Variants in TAF2 observed in about 807,000 individuals in gnomAD.
TAF2 encodes TATA-box binding protein associated factor 2, also known as transcription initiation factor TFIID subunit 2.
A neutral mutation model predicts 138.5 loss-of-function variants in TAF2; 61 were observed. The ratio of observed to expected loss-of-function variants is 0.44; its 90% CI spans 0.36 to 0.54. The LOEUF (loss-of-function observed/expected upper bound fraction) is 0.54, where lower values mean the gene tolerates loss of function less well. TAF2 is among the 20% of genes least tolerant of loss of function. The probability of loss-of-function intolerance (pLI) is 0.00; values close to 1 mark genes in which losing one functional copy is unlikely to be tolerated. For synonymous variants in TAF2, 475 were observed against 469.9 expected (o/e 1.01, Z -0.14); for missense variants, 1,090 against 1,427.9 (o/e 0.76, Z 3.81).
Position 119,819,334 on chromosome 8 carries a change from T to C in TAF2, c.299+12A>G, listed in dbSNP as rs1400811507. The stretch of plus-strand genomic sequence containing the variant: ...CTGTTAAAAATAGTGACTTTTAAAG[T>C]GCATAACTTACTGTTTTGATTCACT... On this transcript the variant is annotated intron_variant, in intron 3 of 25. Coordinates refer to ENST00000378164, the MANE Select transcript of TAF2 (RefSeq NM_003184.4). The C allele has an allele frequency of 6.2e-7, 1 of 1,611,942 alleles. No homozygotes were observed. The highest frequency in any genetic ancestry group is 8.5e-7 in the Non-Finnish European group (1 of 1,179,260).
intron 19 of TAF2, among the ~76,000 whole-genome samples, chr8:119,761,441 C>T (rs897559683): frequency 4.6e-5 from 7 of 152,064 alleles, no homozygotes. Context: ...TGTTAAGTGA[C>T]ATATAAGTAT....
At chr8:119,778,971 G>A (rs1822453797) in intron 17 of TAF2, among the ~76,000 whole-genome samples, 4 of 152,008 alleles carry the variant, frequency 2.6e-5, no homozygotes, top group African/African-American at 9.7e-5. Context: ...AAAGGAAAAT[G>A]GCTCATTTTC....
chr8:119,762,180 C>A (rs1821108797), intron 19 of TAF2, among the ~76,000 whole-genome samples: 1 of 151,958 alleles, frequency 6.6e-6, no homozygotes, highest in Admixed American at 6.6e-5. Flanking sequence ...AAACAGAATA[C>A]AAAACTACAT....
At chr8:119,772,424 A>G (rs1821907774) in intron 18 of TAF2, among the ~76,000 whole-genome samples, 1 of 152,180 alleles carries the variant, frequency 6.6e-6, no homozygotes, top group Non-Finnish European at 1.5e-5. Flanking sequence ...TAAAGAAGGA[A>G]ATAATAGAAA....
chr8:119,766,814 G>A (rs1441561707), intron 18 of TAF2, among the ~76,000 whole-genome samples: 1 of 152,000 alleles, frequency 6.6e-6, no homozygotes, highest in East Asian at 1.9e-4. Context: ...AGCCTGGGCA[G>A]GAGAGCAAGA....
At chr8:119,826,006 A>G (rs1826074605) in intron 2 of TAF2, among the ~76,000 whole-genome samples, 1 of 151,940 alleles carries the variant, frequency 6.6e-6, no homozygotes, top group Admixed American at 6.6e-5. Flanking sequence ...TGGTTTTAAA[A>G]ACAGGAGTTT....
chr8:119,741,965 A>G (rs544998699), intron 25 of TAF2, among the ~76,000 whole-genome samples: 1 of 152,330 alleles, frequency 6.6e-6, no homozygotes, highest in Non-Finnish European at 1.5e-5. Flanking sequence ...ACAATGTGAA[A>G]CAGAATAGGT....
chr8:119,831,196 G>C (rs527370353), intron 2 of TAF2, among the ~76,000 whole-genome samples: 1 of 152,036 alleles, frequency 6.6e-6, no homozygotes, highest in African/African-American at 2.4e-5. Context: ...AAATTGTGTC[G>C]GGAGGCAGGG....
chr8:119,806,305 T>C lies in TAF2; in HGVS notation c.396A>G (p.Ser132=). Residue 132 remains serine, a synonymous_variant, in exon 4 of 26, where the codon TCA becomes TCG. Transcript: ENST00000378164. ...GNGELCIKVP[S]ELWKHVDELK... ...TACCATCAACGTGTTTCCATAGCTC[T>C]GATGGAACCTTAATGCAAAGTTCTC... The C allele has an allele frequency of 6.2e-7, 1 of 1,613,958 alleles. No homozygotes were observed. Among genetic ancestry groups the C allele is most frequent in the Non-Finnish European group, 8.5e-7 (1 of 1,179,882 alleles).
At chr8:119,765,605 T>C (rs907046424) in intron 18 of TAF2, among the ~76,000 whole-genome samples, 1 of 152,206 alleles carries the variant, frequency 6.6e-6, no homozygotes, top group Non-Finnish European at 1.5e-5. Flanking sequence ...ATGCCATGCA[T>C]AAACTTACTT....
chr8:119,762,609 C>A lies in TAF2; in HGVS notation c.2365-1G>T. 1 of 1,610,784 alleles carries A rather than the reference C, an allele frequency of 6.2e-7. No homozygotes were observed. The highest frequency in any genetic ancestry group is 8.5e-7 in the Non-Finnish European group (1 of 1,178,506). On this transcript the variant is annotated splice_acceptor_variant, in intron 18 of 25. Transcript: ENST00000378164. LOFTEE classifies it high-confidence loss of function. The stretch of plus-strand genomic sequence containing the variant: ...CTGCACGATAATAGTTATCTGAAAA[C>A]TAGGCCAAAGAAAAATTAAGTGAAG...
At chr8:119,769,793 T>A (rs1821696978) in intron 18 of TAF2, among the ~76,000 whole-genome samples, 1 of 151,528 alleles carries the variant, frequency 6.6e-6, no homozygotes. Flanking sequence ...AGTCTCGCTC[T>A]TGTCCCCAGG....
intron 18 of TAF2, among the ~76,000 whole-genome samples, chr8:119,765,109 T>C (rs1821330334): frequency 6.6e-5 from 10 of 152,152 alleles, no homozygotes; most frequent in Admixed American, 6.6e-4. Context: ...GCGGGCTTTG[T>C]GATTAAAGGA....
chr8:119,827,885 G>A (rs1287212422), intron 2 of TAF2, among the ~76,000 whole-genome samples: 6 of 151,772 alleles, frequency 4.0e-5, no homozygotes, highest in African/African-American at 9.7e-5. Flanking sequence ...CTGGGATTAC[G>A]GGTGCCCGCC....
rs368069089 is a variant in TAF2, at chr8:119,801,902, A to G, written c.684T>C (p.Asp228=). The part of the protein sequence containing the change: ...GDLVETVYTH[D]MRKKTFHYML... Reference sequence around the variant, plus strand: ...TATAATGGAAAGTTTTCTTCCTCATATCATGAGTATACACTGTCTCCACCA... The same window carrying G: ...TATAATGGAAAGTTTTCTTCCTCATGTCATGAGTATACACTGTCTCCACCA... The change falls in exon 6 of 26, where the codon GAT becomes GAC. Residue 228 remains aspartate, a synonymous_variant. Transcript: ENST00000378164. The G allele has an allele frequency of 5.6e-6, 9 of 1,614,082 alleles. No homozygotes were observed. In the African/African-American group the frequency reaches 6.7e-5, roughly 12 times the overall value.
chr8:119,731,759 T>G lies in TAF2; in HGVS notation c.*165A>C, dbSNP rs1473913724. The G allele has an allele frequency of 1.4e-6, 1 of 704,436 alleles. No individual in the cohort carries two copies. The allele number at this position is 704,436 out of a possible 1,614,324, so 43.6% of individuals were successfully genotyped here. A position where few individuals can be genotyped will look rare whatever the true frequency, so the allele number is the denominator to read the frequency against. ...CACATTTTCCTAATTAGATCCCAAC[T>G]GTATAAATAACATAAATCAAATGCT... On this transcript the variant is annotated 3_prime_UTR_variant, in exon 26 of 26. Transcript: ENST00000378164.
At chr8:119,765,161 G>C (rs1821334086) in intron 18 of TAF2, among the ~76,000 whole-genome samples, 1 of 152,144 alleles carries the variant, frequency 6.6e-6, no homozygotes, top group South Asian at 2.1e-4. Context: ...GATAATGATT[G>C]AGAAAGTGAC....
chr8:119,767,202 C>T (rs1342121220), intron 18 of TAF2: 5 of 152,096 alleles, frequency 3.3e-5, no homozygotes, highest in Non-Finnish European at 7.4e-5. Flanking sequence ...ACTGAGGTTC[C>T]GGTTCAAGAT....
At chr8:119,759,923 C>G (rs930872564) in intron 20 of TAF2, among the ~76,000 whole-genome samples, 2 of 152,054 alleles carry the variant, frequency 1.3e-5, no homozygotes, top group African/African-American at 4.8e-5. Context: ...TATTCTTTTG[C>G]CTTGCACCAT....
Sources: allele counts gnomAD v4.1 joint callset (sites outside exome capture counted in the v4.1 genomes callset), GRCh38; gene constraint gnomAD v4.1.1; transcripts MANE v1.5; gene names NCBI Gene and HGNC (gene_info 2026-07-23, HGNC 2026-07-21).